The following ERBB4 variants were observed in gnomAD, a reference collection of about 807,000 sequenced individuals.
ERBB4 encodes erb-b2 receptor tyrosine kinase 4, also known as receptor tyrosine-protein kinase erbB-4.
Under a neutral mutation model 158.0 loss-of-function variants are expected in ERBB4, and 42 were observed. The observed-to-expected ratio is 0.27, with a 90% confidence interval of 0.21 to 0.34. The LOEUF is 0.34. Among genes scored for constraint, ERBB4 ranks in the 10% least tolerant of loss-of-function variants. The pLI, the probability that ERBB4 is intolerant of heterozygous loss-of-function variation, is 1.00. For missense variants in ERBB4, 1,333 were observed against 1,624.1 expected (o/e 0.82, Z 3.08); for synonymous variants, 583 against 558.7 (o/e 1.04, Z -0.61).
At chr2:211,633,099 T>C (rs556346799) in intron 16 of ERBB4, among the ~76,000 whole-genome samples, 28 of 152,232 alleles carry the variant, frequency 1.8e-4, no homozygotes, top group African/African-American at 6.0e-4. Context: ...TTTTTATTAA[T>C]TGAGTATCAT....
intron 2 of ERBB4, among the ~76,000 whole-genome samples, chr2:212,058,186 C>G (rs1328493130): frequency 1.3e-5 from 2 of 152,192 alleles, no homozygotes; most frequent in East Asian, 3.9e-4. Context: ...ACTAGAAAAT[C>G]TAGAAGAAGT....
chr2:212,235,007 C>T (rs1312407575), intron 1 of ERBB4, among the ~76,000 whole-genome samples: 4 of 151,942 alleles, frequency 2.6e-5, no homozygotes, highest in East Asian at 1.9e-4. Flanking sequence ...TTTTGGCTTG[C>T]GATGCCATTG....
At chr2:212,036,867 C>G (rs1446516291) in intron 2 of ERBB4, among the ~76,000 whole-genome samples, 1 of 152,176 alleles carries the variant, frequency 6.6e-6, no homozygotes, top group East Asian at 1.9e-4. Flanking sequence ...TTTCTAAAAT[C>G]TGGGGACAAA....
chr2:211,459,475 A>G (rs967814886), intron 20 of ERBB4, among the ~76,000 whole-genome samples: 1 of 152,176 alleles, frequency 6.6e-6, no homozygotes, highest in African/African-American at 2.4e-5. Context: ...CCCAAATGTC[A>G]TCTTGAATTG....
At chr2:211,792,048 G>C (rs906172374) in intron 3 of ERBB4, among the ~76,000 whole-genome samples, 6 of 151,686 alleles carry the variant, frequency 4.0e-5, no homozygotes, top group African/African-American at 1.2e-4. Flanking sequence ...ATCAAACCTA[G>C]AGCAACAGTC....
At chr2:212,446,959 T>C (rs2092367992) in intron 1 of ERBB4, among the ~76,000 whole-genome samples, 1 of 150,278 alleles carries the variant, frequency 6.7e-6, no homozygotes, top group African/African-American at 2.4e-5. Context: ...AGGAAGTCAA[T>C]GGAAAGAAAA....
chr2:212,462,166 T>C lies in ERBB4; in HGVS notation c.82+76283A>G, dbSNP rs139478197. On this transcript the variant is annotated intron_variant, in intron 1 of 27. Coordinates refer to ENST00000342788, the MANE Select transcript of ERBB4 (RefSeq NM_005235.3). ...ACAATGACACTACTAGAAGAAAACA[T>C]TGGAGAAACAACACTTCAAGACATT... Among the ~76,000 whole-genome samples the C allele has an allele frequency of 3.6e-3, 513 of 143,082 alleles. 3 individuals carry two copies. Among genetic ancestry groups the C allele is most frequent in the Admixed American group, 8.0e-3 (118 of 14,682 alleles). The allele number at this position is 143,082 out of a possible 152,430, so 93.9% of individuals were successfully genotyped here.
intron 1 of ERBB4, among the ~76,000 whole-genome samples, chr2:212,369,234 A>C (rs973103384): frequency 2.0e-5 from 3 of 152,200 alleles, no homozygotes; most frequent in Non-Finnish European, 4.4e-5. Flanking sequence ...AAATAGGCTA[A>C]CATTTCTGTA....
chr2:212,357,114 T>C (rs564507985), intron 1 of ERBB4, among the ~76,000 whole-genome samples: 1 of 151,936 alleles, frequency 6.6e-6, no homozygotes, highest in African/African-American at 2.4e-5. Flanking sequence ...AAATTTGCTA[T>C]TCCTGGATAT....
chr2:212,194,341 T>A (rs1011198255), intron 1 of ERBB4, among the ~76,000 whole-genome samples: 4 of 149,998 alleles, frequency 2.7e-5, no homozygotes, highest in Non-Finnish European at 4.5e-5. Flanking sequence ...TCTAACATAA[T>A]CATTTTTATT....
intron 2 of ERBB4, among the ~76,000 whole-genome samples, chr2:212,078,338 T>A (rs187962113): frequency 1.2e-3 from 186 of 152,116 alleles, no homozygotes; most frequent in Non-Finnish European, 2.2e-3. Context: ...AAACTATACC[T>A]CTAGTCCCGA....
intron 1 of ERBB4, among the ~76,000 whole-genome samples, chr2:212,526,972 T>C (rs7573568): frequency 0.17 from 25,641 of 151,974 alleles, 2,269 homozygotes; most frequent in African/African-American, 0.23. Context: ...TAACTTAGCC[T>C]GAGGGTAAAA....
intron 20 of ERBB4, among the ~76,000 whole-genome samples, chr2:211,486,558 A>T (rs1427208422): frequency 6.6e-6 from 1 of 152,144 alleles, no homozygotes; most frequent in Non-Finnish European, 1.5e-5. Flanking sequence ...ATCATCTTAC[A>T]GCTGTTTTGC....
intron 1 of ERBB4, among the ~76,000 whole-genome samples, chr2:212,530,678 G>T (rs2106341324): frequency 6.6e-6 from 1 of 152,230 alleles, no homozygotes; most frequent in African/African-American, 2.4e-5. Context: ...GCAGAGGAGA[G>T]AAAACAAGCA....
chr2:211,600,196 G>T lies in ERBB4; in HGVS notation c.2301+18981C>A, dbSNP rs1456360822. ...AACAAGGTCAGAAGGAGCTCTCCTA[G>T]GATTTTTCAATTTCATTTCCTTATG... On this transcript the variant is annotated intron_variant, in intron 19 of 27. Transcript: ENST00000342788. Among the ~76,000 whole-genome samples the T allele has an allele frequency of 2.0e-5, 3 of 152,138 alleles. No homozygotes were observed. In the East Asian group the frequency reaches 5.8e-4, roughly 29 times the overall value.
chr2:211,691,708 A>C (rs1055297163), intron 12 of ERBB4, among the ~76,000 whole-genome samples: 4 of 152,106 alleles, frequency 2.6e-5, no homozygotes, highest in Non-Finnish European at 5.9e-5. Context: ...ATTAAAGCTG[A>C]AATAAGAAGG....
chr2:212,181,316 G>T (rs914185240), intron 1 of ERBB4, among the ~76,000 whole-genome samples: 1 of 151,648 alleles, frequency 6.6e-6, no homozygotes, highest in Non-Finnish European at 1.5e-5. Context: ...TTGTTGGGCT[G>T]CCAATATTGA....
At chr2:212,498,608 T>G (rs1413466510) in intron 1 of ERBB4, among the ~76,000 whole-genome samples, 1 of 152,140 alleles carries the variant, frequency 6.6e-6, no homozygotes, top group East Asian at 1.9e-4. Flanking sequence ...TATGATTAAT[T>G]ATATTATTTC....
intron 2 of ERBB4, among the ~76,000 whole-genome samples, chr2:212,005,124 T>C (rs1575503779): frequency 6.6e-6 from 1 of 152,134 alleles, no homozygotes; most frequent in Non-Finnish European, 1.5e-5. Context: ...ACAATATACA[T>C]CAACATATAT....
Sources: allele counts gnomAD v4.1 joint callset (sites outside exome capture counted in the v4.1 genomes callset), GRCh38; gene constraint gnomAD v4.1.1; transcripts MANE v1.5; gene names NCBI Gene and HGNC (gene_info 2026-07-23, HGNC 2026-07-21).